Variants in TSC2 observed in about 807,000 individuals in gnomAD.
The protein encoded by TSC2 is tuberin.
Under a neutral mutation model 202.2 loss-of-function variants are expected in TSC2, and 29 were observed. The ratio of observed to expected loss-of-function variants is 0.14; its 90% CI spans 0.11 to 0.20. The LOEUF is 0.20. Among genes scored for constraint, TSC2 ranks in the 10% least tolerant of loss-of-function variants. The pLI is 1.00. For missense variants in TSC2, 2,429 were observed against 2,420.0 expected (o/e 1.00, Z -0.08); for synonymous variants, 1,349 against 1,044.0 (o/e 1.29, Z -5.63).
chr16:2,056,568 G>A (rs2151075488), intron 7 of TSC2, 76 bp from the exon 8 acceptor site: 4 of 1,581,558 alleles, frequency 2.5e-6, no homozygotes, highest in Non-Finnish European at 3.4e-6. Flanking sequence ...AAGGAGGTGG[G>A]AAGGAAGCCT....
intron 15 of TSC2, 50 bp from the exon 16 acceptor site, chr16:2,065,469 C>A: frequency 7.7e-7 from 1 of 1,300,812 alleles, no homozygotes; most frequent in Non-Finnish European, 1.1e-6. Flanking sequence ...CTCACGGCTG[C>A]TGACTCAGAA....
intron 38 of TSC2, among the ~76,000 whole-genome samples, 174 bp from the exon 39 acceptor site, chr16:2,087,689 G>A (rs1045510892): frequency 6.6e-6 from 1 of 152,208 alleles, no homozygotes; most frequent in Non-Finnish European, 1.5e-5. Context: ...GATGTGGAGG[G>A]GGCTTGGCCT....
Position 2,088,040 on chromosome 16 carries a change from C to T in TSC2, c.5069-8C>T, listed in dbSNP as rs796053478. ...CCTGGGCCTGGCGTGACCACCAAGT[C>T]TCCCCAGACATGGAGGGCCTTGTGG... On this transcript the variant is annotated splice_region_variant and splice_polypyrimidine_tract_variant and intron_variant, in intron 39 of 41. Transcript: ENST00000219476. The T allele has an allele frequency of 1.2e-5, 19 of 1,611,904 alleles. No individual in the cohort carries two copies. Among genetic ancestry groups the T allele is most frequent in the Non-Finnish European group, 1.6e-5 (19 of 1,179,846 alleles).
At position 2,048,331 on chromosome 16, in the gene TSC2, C is replaced by G. The variant is rs1237943984; in HGVS notation, c.-29-256C>G. On this transcript the variant is annotated intron_variant, in intron 1 of 41. Transcript: ENST00000219476. Reference sequence around the variant, plus strand: ...AGGACTTCGCGGCGGCAGTCCTAACCCGTGCACTGAGTCGGGCGGGGCGGG... The same window carrying G: ...AGGACTTCGCGGCGGCAGTCCTAACGCGTGCACTGAGTCGGGCGGGGCGGG... 3 of 929,680 alleles carry G rather than the reference C, an allele frequency of 3.2e-6. No homozygotes were observed. In the African/African-American group the frequency reaches 4.9e-5, roughly 15 times the overall value. The allele number at this position is 929,680 out of a possible 1,614,324, so 57.6% of individuals were successfully genotyped here. A position where few individuals can be genotyped will look rare whatever the true frequency, so the allele number is the denominator to read the frequency against.
At chr16:2,068,913 C>T (rs1037905276) in intron 16 of TSC2, 1 of 147,944 alleles carries the variant, frequency 6.8e-6, no homozygotes, top group African/African-American at 2.5e-5. Flanking sequence ...AGCGAAAATA[C>T]ATTTCCTGTT....
In TSC2 at chr16:2,060,626, G is replaced by A. The variant is rs188449241; in HGVS notation, c.976-44G>A. ...TGACTGGGAGGGCGTCCCACAGCAA[G>A]CAAGCAGCTCTGACCCTGTGTGCTG... On this transcript the variant is annotated intron_variant, in intron 10 of 41. Coordinates refer to ENST00000219476, the MANE Select transcript of TSC2 (RefSeq NM_000548.5). 1,318 of 1,613,418 alleles carry A rather than the reference G, an allele frequency of 8.2e-4. 8 individuals carry two copies. In the African/African-American group the frequency reaches 0.014, roughly 18 times the overall value.
In TSC2 at chr16:2,071,843, C is replaced by T. The variant is rs794727221; in HGVS notation, c.2006C>T (p.Pro669Leu). ...TSGPLSPPTG[P>L]PGPAPAGPAV... ...GGCCCCCTTTCTCCTCCCACAGGGC[C>T]TCCTGGCCCGGCGCCTGCAGGCCCC... Residue 669 changes from proline to leucine, a missense_variant, in exon 19 of 42, where the codon CCT becomes CTT. Physicochemically the swap from Pro to Leu is moderately conservative, Grantham distance 98 (BLOSUM62 -3). Transcript: ENST00000219476. 1.3e-6 allele frequency: 2 copies of T among 1,586,268 alleles called. No individual in the cohort carries two copies. The highest frequency in any genetic ancestry group is 2.3e-5 in the South Asian group (2 of 87,056).
chr16:2,054,392 G>T lies in TSC2; in HGVS notation c.433G>T (p.Ala145Ser). The T allele has an allele frequency of 6.2e-7, 1 of 1,614,230 alleles. No individual in the cohort carries two copies. The highest frequency in any genetic ancestry group is 1.1e-5 in the South Asian group (1 of 91,084). Reference sequence around the variant, plus strand: ...TCACGAAAGGCTGGAGGTTTTCAAGGCCCTCACAGACAATGGGAGACACAT... The same window carrying T: ...TCACGAAAGGCTGGAGGTTTTCAAGTCCCTCACAGACAATGGGAGACACAT... ...DLHERLEVFK[A>S]LTDNGRHITY... Residue 145 changes from alanine to serine, a missense_variant, in exon 5 of 42, where the codon GCC becomes TCC. By Grantham distance (99) the Ala-to-Ser change is moderately conservative. Coordinates refer to ENST00000219476, the MANE Select transcript of TSC2 (RefSeq NM_000548.5).
intron 38 of TSC2, among the ~76,000 whole-genome samples, chr16:2,087,484 T>C (rs1219912114): frequency 1.3e-5 from 1 of 75,426 alleles, no homozygotes; most frequent in Non-Finnish European, 2.5e-5. Flanking sequence ...AGACAACCAG[T>C]TGGGGGGGGG....
intron 31 of TSC2, 30 bp downstream of exon 31, chr16:2,081,828 C>T: frequency 1.2e-6 from 2 of 1,608,800 alleles, no homozygotes; most frequent in South Asian, 2.2e-5. Flanking sequence ...TTGGCACGGG[C>T]TCTGCTCCCA....
intron 20 of TSC2, 138 bp from the exon 21 acceptor site, chr16:2,072,711 C>T: frequency 7.0e-7 from 1 of 1,430,002 alleles, no homozygotes; most frequent in Non-Finnish European, 9.6e-7. Context: ...GAGGCCCTTC[C>T]TGGGAGGGAG....
rs1368879013 is a variant in TSC2 at position 2,087,859 on chromosome 16, G to A, written c.4990-4G>A. On this transcript the variant is annotated splice_polypyrimidine_tract_variant and splice_region_variant and intron_variant, in intron 38 of 41. Transcript: ENST00000219476. ...GGGGATGACCCTTTCTCTTGTCCGG[G>A]CAGGGCCAGTTCAACTTTGTCCACG... 2 of 1,612,384 alleles carry A rather than the reference G, an allele frequency of 1.2e-6. No homozygotes were observed. The highest frequency in any genetic ancestry group is 1.7e-5 in the Admixed American group (1 of 59,980).
In TSC2 at chr16:2,060,699, C is replaced by T. The variant is rs397514924; in HGVS notation, c.1005C>T (p.Ser335=). The change falls in exon 11 of 42, where the codon TCC becomes TCT. Residue 335 remains serine (S), a synonymous_variant. Transcript: ENST00000219476. ...TGGCATGTCCGAACGAGGTGGTGTC[C>T]TATGAGATCGTCCTGTCCATCACCA... The part of the protein sequence containing the change: ...QAMACPNEVV[S]YEIVLSITRL... The T allele has an allele frequency of 1.2e-6, 2 of 1,614,096 alleles. No individual in the cohort carries two copies. The highest frequency in any genetic ancestry group is 1.7e-6 in the Non-Finnish European group (2 of 1,180,016).
At position 2,086,384 on chromosome 16, in the gene TSC2, G is replaced by A. The variant is rs1198379006; in HGVS notation, c.4849+5G>A. 6.2e-6 allele frequency: 10 copies of A among 1,611,838 alleles called. No homozygotes were observed. Among genetic ancestry groups the A allele is most frequent in the East Asian group, 4.5e-5 (2 of 44,814 alleles). On this transcript the variant is annotated splice_donor_5th_base_variant and intron_variant, in intron 37 of 41. Transcript: ENST00000219476. ...GGCACGATGACATCATGCAAGGTAC[G>A]GCCTGGCGCCTACCCGCTCCTGCTG...
intron 17 of TSC2, among the ~76,000 whole-genome samples, chr16:2,070,845 C>CT (rs2088211941): frequency 6.6e-6 from 1 of 152,320 alleles, no homozygotes; most frequent in Non-Finnish European, 1.5e-5. Flanking sequence ...ACTTCCGGGG[C>CT]AGTGCATGGC....
At chr16:2,053,500 G>T (rs2085385931) in intron 4 of TSC2, 48 bp downstream of exon 4, 2 of 1,517,440 alleles carry the variant, frequency 1.3e-6, no homozygotes, top group East Asian at 4.9e-5. Flanking sequence ...GCTGCCCACT[G>T]ACTGTCCTGT....
intron 4 of TSC2, chr16:2,053,762 G>A (rs1555497248): frequency 3.5e-5 from 20 of 564,918 alleles, no homozygotes; most frequent in South Asian, 3.1e-4. Flanking sequence ...TGGGGCTACG[G>A]TGTTGTTTTG....
At chr16:2,087,490 G>A (rs865952591) in intron 38 of TSC2, among the ~76,000 whole-genome samples, 5 of 151,644 alleles carry the variant, frequency 3.3e-5, no homozygotes, top group African/African-American at 2.4e-5. Flanking sequence ...CCAGTTGGGG[G>A]GGGGGGGGCA....
chr16:2,060,845 C>T (rs547823980), intron 11 of TSC2, 32 bp downstream of exon 11: 26 of 1,610,738 alleles, frequency 1.6e-5, no homozygotes, highest in South Asian at 9.9e-5. Context: ...CGGGGAGCAC[C>T]GGGAACCCAG....
Sources: allele counts gnomAD v4.1 joint callset (sites outside exome capture counted in the v4.1 genomes callset), GRCh38; gene constraint gnomAD v4.1.1; transcripts MANE v1.5; gene names NCBI Gene and HGNC (gene_info 2026-07-23, HGNC 2026-07-21).